The following HSPA12A variants were observed in gnomAD, a reference collection of about 807,000 sequenced individuals.
HSPA12A encodes the protein heat shock protein family A (Hsp70) member 12A.
A neutral mutation model predicts 69.2 loss-of-function variants in HSPA12A; 28 were observed. The observed-to-expected ratio is 0.40, with a 90% confidence interval of 0.30 to 0.55. The LOEUF is 0.55. Ranked by LOEUF, HSPA12A falls within the 20% of genes least tolerant of loss-of-function variation. The pLI, the probability that HSPA12A is intolerant of heterozygous loss-of-function variation, is 0.38. For synonymous variants in HSPA12A, 345 were observed against 370.5 expected, an observed-to-expected ratio of 0.93 and a Z score of 0.79; for missense variants, 686 against 900.7, an observed-to-expected ratio of 0.76 and a Z score of 3.05.
At chr10:116,683,289 T>G (rs1849473711) in intron 7 of HSPA12A, among the ~76,000 whole-genome samples, 1 of 152,112 alleles carries the variant, frequency 6.6e-6, no homozygotes. Flanking sequence ...TCAGTCTCCC[T>G]AAGGCGGTGC....
At chr10:116,819,150 C>G (rs1363852419) in intron 2 of HSPA12A, among the ~76,000 whole-genome samples, 1 of 152,190 alleles carries the variant, frequency 6.6e-6, no homozygotes, top group Non-Finnish European at 1.5e-5. Context: ...ATTCACTGGT[C>G]CCAAAATCAC....
chr10:116,750,189 C>T (rs957262556), intron 2 of HSPA12A: 8 of 651,616 alleles, frequency 1.2e-5, no homozygotes, highest in African/African-American at 5.4e-5. Flanking sequence ...AATTATGCTG[C>T]GGCACATTGT....
intron 1 of HSPA12A, among the ~76,000 whole-genome samples, chr10:116,739,269 G>GA (rs782162803): frequency 3.9e-5 from 6 of 152,184 alleles, no homozygotes; most frequent in Non-Finnish European, 8.8e-5. Flanking sequence ...GTGAAATGGG[G>GA]ATCACAGGGC....
chr10:116,849,319 G>A (rs1415996625), intron 1 of HSPA12A, among the ~76,000 whole-genome samples: 1 of 152,214 alleles, frequency 6.6e-6, no homozygotes, highest in Non-Finnish European at 1.5e-5. Flanking sequence ...AAGCCGGGAG[G>A]GCCCTAGTCT....
chr10:116,775,206 A>T (rs1844308914), intron 2 of HSPA12A, among the ~76,000 whole-genome samples: 1 of 152,214 alleles, frequency 6.6e-6, no homozygotes, highest in South Asian at 2.1e-4. Flanking sequence ...TTATCCCACC[A>T]CTCACAAACC....
chr10:116,849,897 G>A, upstream of HSPA12A: 2 of 818,272 alleles, frequency 2.4e-6, no homozygotes, highest in Non-Finnish European at 4.1e-6. Flanking sequence ...GGAGCGGGAA[G>A]GACACCCAGG....
chr10:116,730,721 C>T (rs1851125283), intron 1 of HSPA12A, among the ~76,000 whole-genome samples: 1 of 152,258 alleles, frequency 6.6e-6, no homozygotes, highest in Admixed American at 6.5e-5. Context: ...GTTCTAGCAG[C>T]TTTGCTGGCC....
chr10:116,765,601 T>G (rs1303328252), intron 2 of HSPA12A, among the ~76,000 whole-genome samples: 2 of 152,216 alleles, frequency 1.3e-5, no homozygotes, highest in Non-Finnish European at 2.9e-5. Context: ...TAGAGGTACA[T>G]GAGTGTTGAT....
chr10:116,693,594 T>A (rs533116603), intron 5 of HSPA12A, among the ~76,000 whole-genome samples: 51 of 152,256 alleles, frequency 3.3e-4, no homozygotes, highest in African/African-American at 1.0e-3. Flanking sequence ...TGTGTCTAAA[T>A]CAGCTCTGGA....
At chr10:116,726,668 G>A (rs1335614030) in intron 1 of HSPA12A, among the ~76,000 whole-genome samples, 6 of 152,102 alleles carry the variant, frequency 3.9e-5, no homozygotes, top group African/African-American at 1.2e-4. Context: ...GCCTCTACCC[G>A]TCCCCAATAT....
At chr10:116,815,663 A>G (rs1845289933) in intron 2 of HSPA12A, among the ~76,000 whole-genome samples, 1 of 152,150 alleles carries the variant, frequency 6.6e-6, no homozygotes, top group African/African-American at 2.4e-5. Context: ...AGGTAAGTAG[A>G]TTCTCTAGGA....
Position 116,674,753 on chromosome 10 carries a change from C to A in HSPA12A, c.*28G>T. On this transcript the variant is annotated 3_prime_UTR_variant, in exon 12 of 12. Transcript: ENST00000369209. ...TCAGCAGATGCAGATAAGTTGAGTCCAAGGGGACAGGCAGCGGGGCGGGAG... is the reference window on the plus strand; with the variant it reads ...TCAGCAGATGCAGATAAGTTGAGTCAAAGGGGACAGGCAGCGGGGCGGGAG... The A allele has an allele frequency of 6.3e-7, 1 of 1,583,272 alleles. No homozygotes were observed. Among genetic ancestry groups the A allele is most frequent in the Middle Eastern group, 1.7e-4 (1 of 5,968 alleles).
At chr10:116,799,056 G>A (rs1844899605) in intron 2 of HSPA12A, among the ~76,000 whole-genome samples, 1 of 152,104 alleles carries the variant, frequency 6.6e-6, no homozygotes, top group Admixed American at 6.5e-5. Flanking sequence ...CCACCCTTGG[G>A]GGCCTGACTA....
Position 116,826,304 on chromosome 10 carries a change from T to A in HSPA12A, c.91+8631A>T, listed in dbSNP as rs541912169. Among the ~76,000 whole-genome samples the A allele has an allele frequency of 8.8e-4, 134 of 152,290 alleles. 2 individuals are homozygous for A. The South Asian group carries it at 0.027, about 30-fold the overall frequency. On this transcript the variant is annotated intron_variant, in intron 2 of 12. Transcript: ENST00000635765. ...TGACAGTCTGAGAACCCTGATAAAT[T>A]ACCAGCTCCTTCAAGGGAGCCATTG...
chr10:116,809,128 G>A (rs1244694753), intron 2 of HSPA12A, among the ~76,000 whole-genome samples: 1 of 152,136 alleles, frequency 6.6e-6, no homozygotes, highest in African/African-American at 2.4e-5. Context: ...ACATCAAAGG[G>A]CTTAAGTGGG....
chr10:116,686,360 C>CA lies in HSPA12A; in HGVS notation c.664-2399dup, dbSNP rs1376464842. Among the ~76,000 whole-genome samples the CA allele has an allele frequency of 1.1e-4, 16 of 152,152 alleles. No individual in the cohort carries two copies. The highest frequency in any genetic ancestry group is 1.5e-5 in the Non-Finnish European group (1 of 68,030). On this transcript the variant is annotated intron_variant, in intron 6 of 11. Transcript: ENST00000369209. This position sits in a 1 kb window ranked among gnomAD's most constrained non-coding sequence, Gnocchi z 4.1. The stretch of plus-strand genomic sequence containing the variant: ...TGAGGTTGTGGAGTCAAGGACCTCC[C>CA]AGGAGCATAGAAGGTCCAAGGGGGA...
rs1554889383 is a variant in HSPA12A at position 116,762,616 on chromosome 10, C to T, written c.92-55331G>A. 2.0e-5 allele frequency among the ~76,000 whole-genome samples: 3 copies of T among 152,140 alleles called. No homozygotes were observed. In the South Asian group the frequency reaches 6.2e-4, roughly 32 times the overall value. ...TTTATTTTTTTGAGACAGAGTTTCG[C>T]TCTGTCACCCAGACTGGAGTGCAGT... On this transcript the variant is annotated intron_variant, in intron 2 of 12. Transcript: ENST00000635765.
At chr10:116,840,803 A>G (rs765222964) in intron 1 of HSPA12A, among the ~76,000 whole-genome samples, 2 of 152,214 alleles carry the variant, frequency 1.3e-5, no homozygotes, top group African/African-American at 2.4e-5. Flanking sequence ...TAGATAGAGT[A>G]CAAATATTTG....
upstream of HSPA12A, among the ~76,000 whole-genome samples, chr10:116,744,609 G>T (rs1851606783): frequency 6.6e-6 from 1 of 152,260 alleles, no homozygotes; most frequent in Non-Finnish European, 1.5e-5. Flanking sequence ...TTGCAGGGGA[G>T]CATGAAAGGC....
Sources: allele counts gnomAD v4.1 joint callset (sites outside exome capture counted in the v4.1 genomes callset), GRCh38; gene constraint gnomAD v4.1.1; non-coding constraint Gnocchi (gnomAD v3.1); transcripts MANE v1.5; gene names NCBI Gene and HGNC (gene_info 2026-07-23, HGNC 2026-07-21).